The following SLC1A1 variants were observed in gnomAD, a reference collection of about 807,000 sequenced individuals.
SLC1A1 encodes solute carrier family 1 member 1, also known as excitatory amino acid transporter 3.
In SLC1A1, 43 loss-of-function variants were observed where a neutral mutation model predicts 53.3. The ratio of observed to expected loss-of-function variants is 0.81; its 90% CI spans 0.63 to 1.04. The LOEUF (loss-of-function observed/expected upper bound fraction) is 1.04, where lower values mean the gene tolerates loss of function less well. Ranked by LOEUF, SLC1A1 falls within the 50% of genes least tolerant of loss-of-function variation. The probability of loss-of-function intolerance (pLI) is 0.00; values close to 1 mark genes in which losing one functional copy is unlikely to be tolerated. For synonymous variants in SLC1A1, 307 were observed against 243.2 expected (o/e 1.26, Z -2.44); for missense variants, 748 against 664.9 (o/e 1.12, Z -1.37).
intron 3 of SLC1A1, 112 bp from the exon 4 acceptor site, chr9:4,564,232 T>A (rs1819263983): frequency 1.3e-6 from 1 of 770,430 alleles, no homozygotes; most frequent in African/African-American, 1.7e-5. Context: ...CTCAGGGTCC[T>A]CCCCATCACA....
chr9:4,497,123 T>TA (rs34630480), intron 1 of SLC1A1, among the ~76,000 whole-genome samples: 97,749 of 151,668 alleles, frequency 0.64, 33,486 homozygotes, highest in East Asian at 0.77. Flanking sequence ...CGGGTGGTTT[T>TA]AAAAAACAGA....
intron 7 of SLC1A1, among the ~76,000 whole-genome samples, 178 bp from the exon 8 acceptor site, chr9:4,573,729 G>A (rs1820279850): frequency 1.3e-5 from 2 of 152,118 alleles, no homozygotes; most frequent in Non-Finnish European, 2.9e-5. Flanking sequence ...CTAAAAACTA[G>A]AGCCAATATT....
chr9:4,494,795 A>T (rs1007381607), intron 1 of SLC1A1, among the ~76,000 whole-genome samples: 4 of 152,140 alleles, frequency 2.6e-5, no homozygotes, highest in Non-Finnish European at 5.9e-5. Context: ...ATTATATAGT[A>T]TATGATGTTG....
intron 1 of SLC1A1, among the ~76,000 whole-genome samples, chr9:4,520,363 C>A (rs949949270): frequency 6.6e-6 from 1 of 152,084 alleles, no homozygotes; most frequent in African/African-American, 2.4e-5. Context: ...ATCAAATTAT[C>A]AACCAATCAA....
intron 1 of SLC1A1, among the ~76,000 whole-genome samples, chr9:4,525,966 T>C (rs7860715): frequency 0.99 from 151,408 of 152,324 alleles, 75,256 homozygotes; most frequent in Middle Eastern, 1. Flanking sequence ...TCACAGGACA[T>C]CAACACAGAA....
intron 1 of SLC1A1, among the ~76,000 whole-genome samples, chr9:4,523,437 TAACA>T (rs1002272949): frequency 9.2e-5 from 14 of 152,310 alleles, no homozygotes; most frequent in South Asian, 6.2e-4. Context: ...GTATAAATAT[TAACA>T]AACATTGTAT....
intron 1 of SLC1A1, among the ~76,000 whole-genome samples, chr9:4,500,470 G>C (rs956619608): frequency 3.3e-5 from 5 of 152,034 alleles, no homozygotes; most frequent in Admixed American, 3.3e-4. Context: ...ACCACAACTG[G>C]CTAATATTTT....
chr9:4,574,626 G>C (rs553572010), intron 8 of SLC1A1, among the ~76,000 whole-genome samples: 2 of 152,214 alleles, frequency 1.3e-5, no homozygotes, highest in Non-Finnish European at 2.9e-5. Context: ...ATTTATTACA[G>C]CCTAGCTACT....
At chr9:4,539,283 G>C (rs1324433190) in intron 1 of SLC1A1, among the ~76,000 whole-genome samples, 1 of 152,146 alleles carries the variant, frequency 6.6e-6, no homozygotes, top group Non-Finnish European at 1.5e-5. Context: ...AAACGAGAGA[G>C]GGAGAGATAG....
In SLC1A1 at chr9:4,572,346, C is replaced by A; in HGVS notation, c.725C>A (p.Ala242Asp). Residue 242 changes from alanine (A) to aspartate (D), a missense_variant, in exon 7 of 12, where the codon GCT becomes GAT. Ala to Asp is a moderately radical substitution (Grantham distance 126). Coordinates refer to ENST00000262352, the MANE Select transcript of SLC1A1 (RefSeq NM_004170.6). ...CAAATTCTGGTGGATTTCTTCAATG[C>A]TTTGAGTGATGCAACCATGAAAATC... ...KGQILVDFFN[A>D]LSDATMKIVQ... 6.2e-7 allele frequency: 1 copy of A among 1,614,116 alleles called. No individual in the cohort carries two copies. Among genetic ancestry groups the A allele is most frequent in the Non-Finnish European group, 8.5e-7 (1 of 1,179,980 alleles).
intron 2 of SLC1A1, among the ~76,000 whole-genome samples, chr9:4,557,566 G>A (rs1036932990): frequency 4.6e-5 from 7 of 151,900 alleles, no homozygotes; most frequent in African/African-American, 1.2e-4. Context: ...TGGGAGGATC[G>A]CTGGAGCTCA....
intron 3 of SLC1A1, among the ~76,000 whole-genome samples, chr9:4,563,618 C>G (rs1819194501): frequency 6.6e-6 from 1 of 152,192 alleles, no homozygotes; most frequent in Admixed American, 6.5e-5. Context: ...TCACTTCCCT[C>G]CAGTCAAACA....
At chr9:4,544,873 G>A (rs967669746) in intron 2 of SLC1A1, among the ~76,000 whole-genome samples, 166 bp downstream of exon 2, 14 of 152,206 alleles carry the variant, frequency 9.2e-5, no homozygotes, top group African/African-American at 2.4e-4. Context: ...AGGCAAAGGG[G>A]AAGCAAGACA....
In SLC1A1 at chr9:4,537,561, G is replaced by A. The variant is rs1274612178; in HGVS notation, c.92-7006G>A. 1.7e-4 allele frequency among the ~76,000 whole-genome samples: 6 copies of A among 35,480 alleles called. 2 individuals are homozygous for A. The highest frequency in any genetic ancestry group is 4.5e-4 in the African/African-American group (4 of 8,818). 23.3% of individuals were successfully genotyped at this position (35,480 alleles called of 152,430 possible). On this transcript the variant is annotated intron_variant, in intron 1 of 11. Coordinates refer to ENST00000262352, the MANE Select transcript of SLC1A1 (RefSeq NM_004170.6). The stretch of plus-strand genomic sequence containing the variant: ...GGCCTGGGCGACAGAGCGAGACTCC[G>A]TCTCAAAAAAATAAAATAAAATAAA...
At chr9:4,578,143 A>G (rs1820735476) in intron 10 of SLC1A1, among the ~76,000 whole-genome samples, 1 of 152,222 alleles carries the variant, frequency 6.6e-6, no homozygotes, top group Non-Finnish European at 1.5e-5. Context: ...TGCAATGAGA[A>G]ATATAGGTCT....
intron 1 of SLC1A1, among the ~76,000 whole-genome samples, chr9:4,516,504 C>T (rs1446075001): frequency 1.3e-5 from 2 of 152,146 alleles, no homozygotes; most frequent in Admixed American, 6.5e-5. Flanking sequence ...TTACCCGACC[C>T]AAACTATGGA....
chr9:4,503,814 C>T (rs1820713266), intron 1 of SLC1A1, among the ~76,000 whole-genome samples: 1 of 151,790 alleles, frequency 6.6e-6, no homozygotes, highest in Non-Finnish European at 1.5e-5. Flanking sequence ...GGAGGTGCCC[C>T]CAGATATATC....
chr9:4,511,378 A>G (rs67773697), intron 1 of SLC1A1, among the ~76,000 whole-genome samples: 41,567 of 151,990 alleles, frequency 0.27, 6,308 homozygotes, highest in Admixed American at 0.36. Flanking sequence ...TCTTTCAAAA[A>G]GGCACTAATC....
chr9:4,554,072 G>T (rs1398272588), intron 2 of SLC1A1: 1 of 152,188 alleles, frequency 6.6e-6, no homozygotes, highest in Admixed American at 6.5e-5. Flanking sequence ...GCAGCCCTAT[G>T]AAGTCATCAA....
Sources: gnomAD v4.1 joint callset for allele counts (sites outside exome capture counted in the v4.1 genomes callset) on GRCh38, gnomAD v4.1.1 for gene constraint, MANE v1.5 for transcripts, NCBI Gene and HGNC (gene_info 2026-07-23, HGNC 2026-07-21) for gene names.